Variants in DOK6 observed in about 807,000 individuals in gnomAD.
The protein encoded by DOK6 is docking protein 6, also known as downstream of tyrosine kinase 6.
In DOK6, 22 loss-of-function variants were observed where a neutral mutation model predicts 44.0. The observed-to-expected ratio is 0.50, with a 90% confidence interval of 0.36 to 0.71. DOK6 has a LOEUF of 0.71. Ranked by LOEUF, DOK6 falls within the 30% of genes least tolerant of loss-of-function variation. The pLI, the probability that DOK6 is intolerant of heterozygous loss-of-function variation, is 0.00. For synonymous variants in DOK6, 166 were observed against 145.5 expected (o/e 1.14, Z -1.01); for missense variants, 340 against 416.4 (o/e 0.82, Z 1.60).
chr18:69,495,791 ACAC>A (rs1306883744), intron 1 of DOK6, among the ~76,000 whole-genome samples: 2 of 152,136 alleles, frequency 1.3e-5, no homozygotes, highest in African/African-American at 4.8e-5. Flanking sequence ...ACTACCTGCA[ACAC>A]CCCCTCAACT....
chr18:69,732,177 T>G (rs1568108940), intron 5 of DOK6, among the ~76,000 whole-genome samples: 1 of 152,182 alleles, frequency 6.6e-6, no homozygotes. Flanking sequence ...GGTCAACATT[T>G]AAGGAGTACA....
At chr18:69,820,519 A>C (rs1441361836) in intron 7 of DOK6, among the ~76,000 whole-genome samples, 1 of 152,160 alleles carries the variant, frequency 6.6e-6, no homozygotes, top group African/African-American at 2.4e-5. Context: ...TTTGGCCTTA[A>C]ACTTGCTATT....
intron 1 of DOK6, among the ~76,000 whole-genome samples, chr18:69,451,172 C>T (rs938287450): frequency 6.7e-6 from 1 of 148,444 alleles, no homozygotes; most frequent in African/African-American, 2.5e-5. Flanking sequence ...ACCCATCTCA[C>T]GTGCAGAGAC....
intron 1 of DOK6, among the ~76,000 whole-genome samples, chr18:69,459,102 C>A (rs1271234984): frequency 2.9e-5 from 2 of 69,144 alleles, no homozygotes; most frequent in East Asian, 3.4e-4. Flanking sequence ...CCCAACAACC[C>A]CCCCCCCAAA....
At chr18:69,449,701 A>G (rs1979402208) in intron 1 of DOK6, among the ~76,000 whole-genome samples, 2 of 152,088 alleles carry the variant, frequency 1.3e-5, no homozygotes, top group African/African-American at 4.8e-5. Flanking sequence ...CCCAGCACGC[A>G]GATGGAGATC....
At chr18:69,590,277 G>C (rs1983594098) in intron 2 of DOK6, among the ~76,000 whole-genome samples, 1 of 152,122 alleles carries the variant, frequency 6.6e-6, no homozygotes, top group Non-Finnish European at 1.5e-5. Context: ...ATTTCATAAT[G>C]AGCCAGAAGC....
At chr18:69,497,741 C>T (rs1338256053) in intron 1 of DOK6, among the ~76,000 whole-genome samples, 3 of 152,056 alleles carry the variant, frequency 2.0e-5, no homozygotes, top group Non-Finnish European at 2.9e-5. Flanking sequence ...AAATTTAGGT[C>T]GCACATCAAC....
At chr18:69,424,396 T>C (rs542249889) in intron 1 of DOK6, among the ~76,000 whole-genome samples, 25 of 152,338 alleles carry the variant, frequency 1.6e-4, no homozygotes, top group African/African-American at 5.3e-4. Flanking sequence ...TATTGACCAA[T>C]AGATTTTCTT....
chr18:69,528,193 A>C (rs1267587857), intron 1 of DOK6, among the ~76,000 whole-genome samples: 1 of 151,512 alleles, frequency 6.6e-6, no homozygotes, highest in Non-Finnish European at 1.5e-5. Flanking sequence ...TTCACCTTAC[A>C]GATGCAGAAA....
rs1254240514 is a variant in DOK6, at chr18:69,847,174, C to G, written c.*5791C>G. The stretch of plus-strand genomic sequence containing the variant: ...TCCATGCCTGCTTCCCTAGTCTGAA[C>G]TCCACATTCCAGTTGTCAGAAGAAT... On this transcript the variant is annotated 3_prime_UTR_variant, in exon 8 of 8. Transcript: ENST00000382713. 3.9e-5 allele frequency: 6 copies of G among 152,062 alleles called. No individual in the cohort carries two copies. The highest frequency in any genetic ancestry group is 1.4e-4 in the African/African-American group (6 of 41,394). 9.4% of individuals were successfully genotyped at this position (152,062 alleles called of 1,614,324 possible). A position where few individuals can be genotyped will look rare whatever the true frequency, so the allele number is the denominator to read the frequency against.
intron 5 of DOK6, among the ~76,000 whole-genome samples, chr18:69,727,109 T>C (rs1978313017): frequency 6.6e-6 from 1 of 152,152 alleles, no homozygotes; most frequent in African/African-American, 2.4e-5. Flanking sequence ...TCCTCCTTCT[T>C]TGGCCTCCCA....
intron 1 of DOK6, among the ~76,000 whole-genome samples, chr18:69,402,792 CGCCAGAGTCAGATCCTCG>C (rs1313973021): frequency 2.6e-5 from 4 of 152,204 alleles, no homozygotes; most frequent in Non-Finnish European, 4.4e-5. Context: ...AGAGAGCAGG[CGCCAGAGTCAGATCCTCG>C]GCCAGGTTTC....
intron 2 of DOK6, among the ~76,000 whole-genome samples, chr18:69,591,653 G>A (rs550551814): frequency 6.6e-6 from 1 of 151,996 alleles, no homozygotes; most frequent in Non-Finnish European, 1.5e-5. Flanking sequence ...GGGAAGGTTT[G>A]CATAACTGAG....
At chr18:69,835,924 C>G (rs1013692087) in intron 7 of DOK6, among the ~76,000 whole-genome samples, 3 of 152,204 alleles carry the variant, frequency 2.0e-5, no homozygotes, top group Non-Finnish European at 4.4e-5. Flanking sequence ...GCTTTGGGAT[C>G]TTTCTGACTT....
chr18:69,403,774 A>C (rs900795144), intron 1 of DOK6, among the ~76,000 whole-genome samples: 3 of 152,188 alleles, frequency 2.0e-5, no homozygotes, highest in African/African-American at 7.2e-5. Context: ...GAGTCCCATA[A>C]GATAGTAAAA....
rs191217160 is a variant in DOK6 at position 69,599,541 on chromosome 18, G to C, written c.289+43G>C. ...ATCTACCCCTTGAGGAAATTGAGCT[G>C]CTTGTGAGACAATGGCCCAGGCGGA... On this transcript the variant is annotated intron_variant, in intron 3 of 7. Coordinates refer to ENST00000382713, the MANE Select transcript of DOK6 (RefSeq NM_152721.6). 1.5e-3 allele frequency: 2,298 copies of C among 1,529,418 alleles called. 6 individuals are homozygous for C. The highest frequency in any genetic ancestry group is 3.5e-3 in the Admixed American group (206 of 58,546). 94.7% of individuals were successfully genotyped at this position (1,529,418 alleles called of 1,614,324 possible).
At chr18:69,465,794 T>C (rs566717847) in intron 1 of DOK6, among the ~76,000 whole-genome samples, 1 of 152,158 alleles carries the variant, frequency 6.6e-6, no homozygotes, top group Non-Finnish European at 1.5e-5. Flanking sequence ...TATAGCAGCA[T>C]GATTTATAGT....
intron 7 of DOK6, among the ~76,000 whole-genome samples, chr18:69,829,817 A>G (rs1181487927): frequency 1.3e-5 from 2 of 151,898 alleles, no homozygotes; most frequent in East Asian, 1.9e-4. Flanking sequence ...AGTTTTTTGT[A>G]TTCAACTTGG....
chr18:69,791,548 T>C (rs1980598630), intron 7 of DOK6, among the ~76,000 whole-genome samples: 1 of 152,208 alleles, frequency 6.6e-6, no homozygotes, highest in Non-Finnish European at 1.5e-5. Flanking sequence ...CATTCGTATG[T>C]CTTCTTTCGA....
Sources: gnomAD v4.1 joint callset for allele counts (sites outside exome capture counted in the v4.1 genomes callset) on GRCh38, gnomAD v4.1.1 for gene constraint, MANE v1.5 for transcripts, NCBI Gene and HGNC (gene_info 2026-07-23, HGNC 2026-07-21) for gene names.